FBRSL1: variants seen among roughly 807,000 people sequenced by gnomAD.
FBRSL1 encodes the protein fibrosin-1-like protein.
Under a neutral mutation model 89.6 loss-of-function variants are expected in FBRSL1, and 51 were observed. The ratio of observed to expected loss-of-function variants is 0.57; its 90% CI spans 0.45 to 0.72. FBRSL1 has a LOEUF of 0.72. Among genes scored for constraint, FBRSL1 ranks in the 30% least tolerant of loss-of-function variants. The pLI, the probability that FBRSL1 is intolerant of heterozygous loss-of-function variation, is 0.00. For synonymous variants in FBRSL1, 779 were observed against 681.1 expected (o/e 1.14, Z -2.24); for missense variants, 1,618 against 1,451.8 (o/e 1.11, Z -1.86).
chr12:132,523,226 G>A (rs2035513761), intron 2 of FBRSL1, among the ~76,000 whole-genome samples: 1 of 152,210 alleles, frequency 6.6e-6, no homozygotes. Context: ...CGGCTGGGCT[G>A]AGGGCAGCCA....
rs1304971812 is a variant in FBRSL1 at position 132,571,505 on chromosome 12, C to T, written c.1377+274C>T. ...TTCCCCGCAGGGCTGCCCCCGACGC[C>T]GCCCGCCGCACCCCCGCCGGTGCGT... is the stretch of plus-strand genomic sequence containing the variant. On this transcript the variant is annotated intron_variant, in intron 9 of 18. Transcript: ENST00000680143. 7.3e-6 allele frequency: 11 copies of T among 1,513,866 alleles called. No individual in the cohort carries two copies. In the East Asian group the frequency reaches 7.5e-5, roughly 10 times the overall value. 93.8% of individuals were successfully genotyped at this position (1,513,866 alleles called of 1,614,324 possible).
At chr12:132,539,419 CCA>C (rs1228500977) in intron 4 of FBRSL1, among the ~76,000 whole-genome samples, 2 of 137,494 alleles carry the variant, frequency 1.5e-5, no homozygotes, top group African/African-American at 5.6e-5. Context: ...TCCACCCAGT[CCA>C]GTCTCCCAGC....
intron 5 of FBRSL1, chr12:132,565,720 T>C (rs1481254132): frequency 5.3e-5 from 8 of 152,286 alleles, no homozygotes; most frequent in African/African-American, 1.9e-4. Flanking sequence ...CACTCCTTCT[T>C]TGCAGTTGCT....
intron 5 of FBRSL1, among the ~76,000 whole-genome samples, chr12:132,560,940 C>T (rs1004221093): frequency 6.6e-6 from 1 of 152,152 alleles, no homozygotes; most frequent in Non-Finnish European, 1.5e-5. Flanking sequence ...GTCATCTGGC[C>T]ACTGCCAGAA....
chr12:132,531,954 C>A (rs908635295), intron 4 of FBRSL1, among the ~76,000 whole-genome samples: 1 of 152,204 alleles, frequency 6.6e-6, no homozygotes, highest in Non-Finnish European at 1.5e-5. Flanking sequence ...TCTCAGCCAC[C>A]GTCAGTGCTG....
intron 4 of FBRSL1, among the ~76,000 whole-genome samples, chr12:132,544,766 C>T (rs910234785): frequency 6.6e-6 from 1 of 151,064 alleles, no homozygotes; most frequent in Admixed American, 6.6e-5. Context: ...GTGATTATGG[C>T]GGTGATGGCG....
chr12:132,517,684 G>A (rs112424884), intron 2 of FBRSL1, among the ~76,000 whole-genome samples: 5,912 of 152,302 alleles, frequency 0.039, 157 homozygotes, highest in Non-Finnish European at 0.059. Context: ...CTCTGGTGGC[G>A]TGTGCCTGAG....
At chr12:132,496,423 A>G (rs1477185672) in intron 1 of FBRSL1, among the ~76,000 whole-genome samples, 1 of 151,868 alleles carries the variant, frequency 6.6e-6, no homozygotes, top group Non-Finnish European at 1.5e-5. Context: ...CGTGTTGCGT[A>G]TTTACCCGGG....
chr12:132,570,134 G>A lies in FBRSL1; in HGVS notation c.900G>A (p.Gln300=). ...EPPAPHRHTP[Q]PPPPQPRGLL... ...CCGCCCCGCACCGCCACACCCCGCA[G>A]CCGCCACCCCCGCAGCCCCGCGGCC... is the stretch of plus-strand genomic sequence containing the variant. Residue 300 remains glutamine, a synonymous_variant, in exon 7 of 19, where the codon CAG becomes CAA. Transcript: ENST00000680143. 2.0e-6 allele frequency: 3 copies of A among 1,477,190 alleles called. No individual in the cohort carries two copies. The highest frequency in any genetic ancestry group is 2.7e-5 in the East Asian group (1 of 36,442). 91.5% of individuals were successfully genotyped at this position (1,477,190 alleles called of 1,614,324 possible). A position where few individuals can be genotyped will look rare whatever the true frequency, so the allele number is the denominator to read the frequency against.
At chr12:132,541,381 C>T (rs2037256513) in intron 4 of FBRSL1, among the ~76,000 whole-genome samples, 1 of 152,240 alleles carries the variant, frequency 6.6e-6, no homozygotes, top group African/African-American at 2.4e-5. Flanking sequence ...CCAGCACCCA[C>T]ACCCGTAACC....
chr12:132,560,205 G>T (rs7973123), intron 5 of FBRSL1: 86,013 of 151,742 alleles, frequency 0.57, 25,297 homozygotes, highest in Middle Eastern at 0.69. Flanking sequence ...CCGGGACTAG[G>T]GGCGACTGCC....
intron 4 of FBRSL1, among the ~76,000 whole-genome samples, chr12:132,535,641 G>C (rs1364565483): frequency 6.6e-6 from 1 of 152,260 alleles, no homozygotes; most frequent in Non-Finnish European, 1.5e-5. Flanking sequence ...GAGGCTGTGG[G>C]TGCCCCAAGC....
In FBRSL1 at chr12:132,580,834, A is replaced by G. The variant is rs182775673; in HGVS notation, c.1835-605A>G. The G allele has an allele frequency of 6.0e-5, 59 of 985,386 alleles. No homozygotes were observed. In the East Asian group the frequency reaches 5.9e-3, roughly 99 times the overall value. The allele number at this position is 985,386 out of a possible 1,614,324, so 61.0% of individuals were successfully genotyped here. Reference sequence around the variant, plus strand: ...GGACCCATGTGGAGGACGGCCCCTGACCAACAGCACTGAATCCCCTGCAGC... The same window carrying G: ...GGACCCATGTGGAGGACGGCCCCTGGCCAACAGCACTGAATCCCCTGCAGC... On this transcript the variant is annotated intron_variant, in intron 15 of 18. Transcript: ENST00000680143.
chr12:132,581,699 C>G, intron 16 of FBRSL1, 42 bp from the exon 17 acceptor site: 1 of 1,542,772 alleles, frequency 6.5e-7, no homozygotes. Context: ...GAGCCGCAGC[C>G]CACGCCTCAC....
chr12:132,515,899 C>CAAA (rs60767937), intron 2 of FBRSL1, among the ~76,000 whole-genome samples: 1,552 of 64,604 alleles, frequency 0.024, 58 homozygotes, highest in Middle Eastern at 0.031. Flanking sequence ...GACTCCGTCT[C>CAAA]AAAAAAAAAA....
At position 132,583,570 on chromosome 12, in the gene FBRSL1, C is replaced by T. The variant is rs1157781459; in HGVS notation, c.2801C>T (p.Ser934Leu). 3.9e-6 allele frequency: 4 copies of T among 1,020,176 alleles called. No homozygotes were observed. Among genetic ancestry groups the T allele is most frequent in the African/African-American group, 1.8e-5 (1 of 56,946 alleles). 63.2% of individuals were successfully genotyped at this position (1,020,176 alleles called of 1,614,324 possible). A position where few individuals can be genotyped will look rare whatever the true frequency, so the allele number is the denominator to read the frequency against. ...SLGALHFPRL[S>L]PAALHNGLLA... ...GGAGCCCTGCACTTCCCGCGCCTCT[C>T]GCCCGCCGCGCTGCACAATGGGCTC... is the stretch of plus-strand genomic sequence containing the variant. Residue 934 changes from serine (S) to leucine (L), a missense_variant, in exon 19 of 19, where the codon TCG (serine) becomes TTG (leucine). Physicochemically the swap from Ser to Leu is moderately radical, Grantham distance 145. Transcript: ENST00000680143.
In FBRSL1 at chr12:132,496,572, T is replaced by G. The variant is rs1050929608; in HGVS notation, c.291+5711T>G. 1.1e-4 allele frequency among the ~76,000 whole-genome samples: 17 copies of G among 152,200 alleles called. 1 individual carries two copies. The highest frequency in any genetic ancestry group is 3.8e-4 in the East Asian group (2 of 5,202). On this transcript the variant is annotated intron_variant, in intron 1 of 18. Transcript: ENST00000680143. ...AGCACAGGCAGTTTCTAGGGGACTC[T>G]TAGGGGGTTGTCATTGGCCCTGCTG...
chr12:132,522,143 T>C (rs549593305), intron 2 of FBRSL1, among the ~76,000 whole-genome samples: 103 of 152,242 alleles, frequency 6.8e-4, no homozygotes, highest in African/African-American at 2.4e-3. Flanking sequence ...CCGTGCACCC[T>C]AGAGGGTTTC....
Position 132,490,479 on chromosome 12 carries a change from C to A in FBRSL1, c.-92C>A. On this transcript the variant is annotated 5_prime_UTR_variant, in exon 1 of 19. Transcript: ENST00000680143. ...CCGAGCCCGCGCGGCGCACACTCAG[C>A]CCGGCGGCGCCGCGTAGCCGAGGGA... The A allele has an allele frequency of 1.1e-6, 1 of 893,644 alleles. No homozygotes were observed. Among genetic ancestry groups the A allele is most frequent in the Non-Finnish European group, 1.3e-6 (1 of 750,674 alleles). The allele number at this position is 893,644 out of a possible 1,614,324, so 55.4% of individuals were successfully genotyped here.
Sources: allele counts gnomAD v4.1 joint callset (sites outside exome capture counted in the v4.1 genomes callset), GRCh38; gene constraint gnomAD v4.1.1; transcripts MANE v1.5; gene names NCBI Gene and HGNC (gene_info 2026-07-23, HGNC 2026-07-21).